The following IQUB variants were observed in gnomAD, a reference collection of about 807,000 sequenced individuals.
The protein encoded by IQUB is IQ motif and ubiquitin domain containing.
In IQUB, 86 loss-of-function variants were observed where a neutral mutation model predicts 86.4. The observed-to-expected ratio is 1.00, with a 90% CI of 0.84 to 1.19. IQUB has a LOEUF of 1.19. Among genes scored for constraint, IQUB ranks in the 50% most tolerant of loss-of-function variants. The pLI, the probability that IQUB is intolerant of heterozygous loss-of-function variation, is 0.00. For missense variants in IQUB, 946 were observed against 916.9 expected (o/e 1.03, Z -0.41); for synonymous variants, 289 against 304.5 (o/e 0.95, Z 0.53).
intron 12 of IQUB, among the ~76,000 whole-genome samples, chr7:123,455,106 T>C (rs538345617): frequency 6.6e-6 from 1 of 152,100 alleles, no homozygotes; most frequent in East Asian, 1.9e-4. Flanking sequence ...TTCAGTCGTT[T>C]TTTAAATTTT....
chr7:123,475,373 CTTTTTTTT>C (rs35957699), intron 8 of IQUB, among the ~76,000 whole-genome samples: 12 of 92,926 alleles, frequency 1.3e-4, no homozygotes, highest in Non-Finnish European at 2.4e-4. Flanking sequence ...CTCCATTTCA[CTTTTTTTT>C]TTTTTTTTTT....
chr7:123,516,281 G>C (rs1241080659), intron 1 of IQUB, among the ~76,000 whole-genome samples: 1 of 152,118 alleles, frequency 6.6e-6, no homozygotes. Context: ...GAAAATACAT[G>C]GGTAAATATA....
intron 2 of IQUB, among the ~76,000 whole-genome samples, chr7:123,511,572 T>G (rs986597321): frequency 6.6e-6 from 1 of 152,230 alleles, no homozygotes; most frequent in Non-Finnish European, 1.5e-5. Context: ...CATGCACCTC[T>G]TGCTATTTAG....
intron 7 of IQUB, among the ~76,000 whole-genome samples, chr7:123,487,415 C>G (rs930755555): frequency 6.6e-6 from 1 of 152,204 alleles, no homozygotes; most frequent in African/African-American, 2.4e-5. Context: ...AGAACTCACA[C>G]TCCTTAGAAT....
rs745548293 is a variant in IQUB, at chr7:123,502,758, AG to A, written c.868-7del. ...TTTTTTTTCTGAAAAACTGTCTAAAAGAAAACATTAAAAATTTAAATCAGTA... is the reference window on the plus strand; with the variant it reads ...TTTTTTTTCTGAAAAACTGTCTAAAAAAAACATTAAAAATTTAAATCAGTA... On this transcript the variant is annotated splice_region_variant and splice_polypyrimidine_tract_variant and intron_variant, in intron 5 of 12. Transcript: ENST00000324698. The A allele has an allele frequency of 1.3e-6, 2 of 1,582,526 alleles. No individual in the cohort carries two copies. Among genetic ancestry groups the A allele is most frequent in the South Asian group, 1.2e-5 (1 of 86,228 alleles).
intron 1 of IQUB, among the ~76,000 whole-genome samples, chr7:123,519,303 C>T (rs140919481): frequency 3.3e-5 from 5 of 152,228 alleles, no homozygotes; most frequent in African/African-American, 1.2e-4. Flanking sequence ...AATTCCACTG[C>T]TGGGTATATA....
chr7:123,468,618 C>T lies in IQUB; in HGVS notation c.1581+596G>A, dbSNP rs112716914. On this transcript the variant is annotated intron_variant, in intron 9 of 12. Transcript: ENST00000324698. ...TGGCCTTTCCAGTTTTAGAATTCCC[C>T]GTGACACTGGCTGAAGTCATTGTTC... Among the ~76,000 whole-genome samples, 200 of 152,284 alleles carry T rather than the reference C, an allele frequency of 1.3e-3. 1 individual carries two copies. Among genetic ancestry groups the T allele is most frequent in the African/African-American group, 4.7e-3 (196 of 41,556 alleles).
At chr7:123,525,309 C>T (rs540982431) in intron 1 of IQUB, among the ~76,000 whole-genome samples, 67 of 152,134 alleles carry the variant, frequency 4.4e-4, no homozygotes, top group African/African-American at 1.4e-3. Flanking sequence ...TGGTAGAATT[C>T]GGCTGTGAAT....
intron 1 of IQUB, among the ~76,000 whole-genome samples, chr7:123,514,217 C>T (rs953919296): frequency 1.3e-5 from 2 of 151,984 alleles, no homozygotes; most frequent in African/African-American, 4.8e-5. Context: ...TCACTGCAGA[C>T]TTATCAGAAA....
intron 7 of IQUB, among the ~76,000 whole-genome samples, chr7:123,481,057 G>T (rs1438044229): frequency 6.6e-6 from 1 of 151,954 alleles, no homozygotes; most frequent in Non-Finnish European, 1.5e-5. Context: ...AAAAGAATAG[G>T]GTTGGAAATA....
chr7:123,531,729 T>C (rs1797544910), intron 1 of IQUB, among the ~76,000 whole-genome samples: 1 of 152,236 alleles, frequency 6.6e-6, no homozygotes, highest in South Asian at 2.1e-4. Flanking sequence ...TTTATAAATA[T>C]ATTTTAACCA....
At chr7:123,497,566 T>G (rs868255493) in intron 6 of IQUB, among the ~76,000 whole-genome samples, 3 of 152,020 alleles carry the variant, frequency 2.0e-5, no homozygotes, top group Non-Finnish European at 4.4e-5. Flanking sequence ...AAGTTTATGA[T>G]ATAGCTGAGA....
intron 6 of IQUB, among the ~76,000 whole-genome samples, chr7:123,498,774 C>T (rs1795815387): frequency 6.6e-6 from 1 of 152,172 alleles, no homozygotes; most frequent in Non-Finnish European, 1.5e-5. Flanking sequence ...CTGTAAGTGG[C>T]TCACATTGTC....
Position 123,512,831 on chromosome 7 carries a change from C to A in IQUB, c.-4-487G>T, listed in dbSNP as rs73222270. On this transcript the variant is annotated intron_variant, in intron 1 of 12. Transcript: ENST00000324698. Reference sequence around the variant, plus strand: ...AGGTCTACAGTGACCTCTGCTCCCCCCAAATAAACCTATTACAACAAATAT... The same window carrying A: ...AGGTCTACAGTGACCTCTGCTCCCCACAAATAAACCTATTACAACAAATAT... Among the ~76,000 whole-genome samples the A allele has an allele frequency of 6.6e-5, 10 of 152,084 alleles. No individual in the cohort carries two copies. In the East Asian group the frequency reaches 1.4e-3, roughly 21 times the overall value.
intron 1 of IQUB, among the ~76,000 whole-genome samples, chr7:123,526,814 C>A (rs887270242): frequency 1.3e-5 from 2 of 152,052 alleles, no homozygotes; most frequent in South Asian, 2.1e-4. Context: ...TACATTTTGG[C>A]GTGATTTTGC....
chr7:123,484,417 G>T (rs1795132677), intron 7 of IQUB, among the ~76,000 whole-genome samples: 1 of 151,728 alleles, frequency 6.6e-6, no homozygotes, highest in Non-Finnish European at 1.5e-5. Flanking sequence ...AAATAACTGA[G>T]ACAATTTATC....
At chr7:123,487,890 A>G (rs1035246982) in intron 7 of IQUB, among the ~76,000 whole-genome samples, 1 of 152,226 alleles carries the variant, frequency 6.6e-6, no homozygotes, top group Non-Finnish European at 1.5e-5. Flanking sequence ...TATAGGATTC[A>G]TCCACAGGCC....
At chr7:123,519,667 GAAGT>G (rs1311477111) in intron 1 of IQUB, among the ~76,000 whole-genome samples, 1 of 152,150 alleles carries the variant, frequency 6.6e-6, no homozygotes, top group East Asian at 1.9e-4. Flanking sequence ...GAGGAAGGAT[GAAGT>G]AAGGTTGGTT....
chr7:123,488,610 T>C (rs957304154), intron 7 of IQUB, among the ~76,000 whole-genome samples: 4 of 152,106 alleles, frequency 2.6e-5, no homozygotes, highest in African/African-American at 9.7e-5. Context: ...CCACCCTACA[T>C]ACACACAGAA....
Sources: allele counts gnomAD v4.1 joint callset (sites outside exome capture counted in the v4.1 genomes callset), GRCh38; gene constraint gnomAD v4.1.1; transcripts MANE v1.5; gene names NCBI Gene and HGNC (gene_info 2026-07-23, HGNC 2026-07-21).